Variants in CREB5 observed in about 807,000 individuals in gnomAD.
CREB5 encodes the protein cAMP responsive element binding protein 5, also known as cyclic AMP-responsive element-binding protein 5.
A neutral mutation model predicts 57.1 loss-of-function variants in CREB5; 19 were observed. The observed-to-expected ratio is 0.33, with a 90% CI of 0.23 to 0.49. The LOEUF is 0.49. Ranked by LOEUF, CREB5 falls within the 20% of genes least tolerant of loss-of-function variation. CREB5 has a pLI of 0.99. For synonymous variants in CREB5, 238 were observed against 238.3 expected, an observed-to-expected ratio of 1.00 and a Z score of 0.01; for missense variants, 579 against 671.6, an observed-to-expected ratio of 0.86 and a Z score of 1.52.
At chr7:28,802,348 G>T (rs1185298226) in intron 7 of CREB5, among the ~76,000 whole-genome samples, 2 of 151,902 alleles carry the variant, frequency 1.3e-5, no homozygotes, top group South Asian at 4.1e-4. Context: ...GCAGGTAGAG[G>T]CTCTTTATGT....
chr7:28,457,690 C>A (rs951780941), intron 1 of CREB5, among the ~76,000 whole-genome samples: 3 of 152,058 alleles, frequency 2.0e-5, no homozygotes, highest in African/African-American at 7.2e-5. Flanking sequence ...ACAAAGAGAC[C>A]ATTTCCATCT....
At chr7:28,319,662 C>G (rs1239915731) in intron 1 of CREB5, among the ~76,000 whole-genome samples, 1 of 152,042 alleles carries the variant, frequency 6.6e-6, no homozygotes, top group Non-Finnish European at 1.5e-5. Flanking sequence ...CAAGAGTGCC[C>G]CACCATTTCC....
chr7:28,487,857 G>A (rs572468686), intron 1 of CREB5, among the ~76,000 whole-genome samples: 4 of 152,266 alleles, frequency 2.6e-5, no homozygotes, highest in African/African-American at 9.6e-5. Flanking sequence ...GCATAGGTGT[G>A]GTCTTTCCTG....
intron 5 of CREB5, among the ~76,000 whole-genome samples, chr7:28,587,454 T>A (rs1225220989): frequency 4.7e-5 from 7 of 148,814 alleles, no homozygotes; most frequent in Non-Finnish European, 8.8e-5. Flanking sequence ...CATGTGTTAA[T>A]GAGCACTGAA....
chr7:28,378,457 A>C (rs889841428), intron 1 of CREB5, among the ~76,000 whole-genome samples: 3 of 152,144 alleles, frequency 2.0e-5, no homozygotes, highest in African/African-American at 7.2e-5. Flanking sequence ...AACTCTTTTT[A>C]ATTTTAGTCT....
chr7:28,569,824 C>T (rs1208825369), intron 4 of CREB5, among the ~76,000 whole-genome samples: 1 of 152,184 alleles, frequency 6.6e-6, no homozygotes, highest in East Asian at 1.9e-4. Flanking sequence ...GTATTCCAAT[C>T]ACGCATCCTC....
chr7:28,594,521 C>T (rs899130697), intron 5 of CREB5, among the ~76,000 whole-genome samples: 2 of 152,064 alleles, frequency 1.3e-5, no homozygotes, highest in Non-Finnish European at 2.9e-5. Flanking sequence ...AGTTTTAAGC[C>T]CTCCTGATTC....
chr7:28,713,411 T>C (rs1329837320), intron 5 of CREB5, among the ~76,000 whole-genome samples: 1 of 152,242 alleles, frequency 6.6e-6, no homozygotes, highest in Non-Finnish European at 1.5e-5. Context: ...TGTATTTAAA[T>C]GAGAAAGAAG....
chr7:28,496,412 G>A lies in CREB5; in HGVS notation c.169+1413G>A, dbSNP rs182239805. ...TTTACTAATTTTATTTTAAGTTCTG[G>A]GAAACATGTGCAGGCTATCACTGTT... On this transcript the variant is annotated intron_variant, in intron 3 of 10. Coordinates refer to ENST00000357727, the MANE Select transcript of CREB5 (RefSeq NM_182898.4). Among the ~76,000 whole-genome samples, 771 of 152,088 alleles carry A rather than the reference G, an allele frequency of 5.1e-3. 3 individuals carry two copies. Among genetic ancestry groups the A allele is most frequent in the Middle Eastern group, 0.024 (7 of 294 alleles).
At chr7:28,453,858 C>T (rs987483729) in intron 1 of CREB5, among the ~76,000 whole-genome samples, 1 of 152,082 alleles carries the variant, frequency 6.6e-6, no homozygotes, top group African/African-American at 2.4e-5. Flanking sequence ...ATGCTGCCCT[C>T]TTTACTTTGT....
At chr7:28,613,475 A>G (rs961143715) in intron 5 of CREB5, among the ~76,000 whole-genome samples, 8 of 152,204 alleles carry the variant, frequency 5.3e-5, no homozygotes, top group African/African-American at 1.9e-4. Context: ...GTGTCAAATC[A>G]TCAAGTGATT....
chr7:28,420,005 A>T (rs1788178556), intron 1 of CREB5, among the ~76,000 whole-genome samples: 1 of 152,234 alleles, frequency 6.6e-6, no homozygotes, highest in Admixed American at 6.5e-5. Flanking sequence ...TTTGCTAAAC[A>T]CCAATGCTGA....
chr7:28,445,703 C>T (rs973309823), intron 1 of CREB5, among the ~76,000 whole-genome samples: 13 of 152,182 alleles, frequency 8.5e-5, no homozygotes, highest in Admixed American at 2.0e-4. Context: ...AGGCGCCCGC[C>T]ACCACGCCTG....
intron 1 of CREB5, among the ~76,000 whole-genome samples, chr7:28,471,571 C>T (rs1438173137): frequency 1.3e-5 from 2 of 152,212 alleles, no homozygotes; most frequent in Non-Finnish European, 2.9e-5. Context: ...TGGGCATTCA[C>T]TACATGCTGC....
chr7:28,400,979 A>G (rs182817184), intron 1 of CREB5, among the ~76,000 whole-genome samples: 3 of 152,356 alleles, frequency 2.0e-5, no homozygotes, highest in Admixed American at 2.0e-4. Context: ...TTGTTAAACC[A>G]TTACTTTCCA....
intron 1 of CREB5, among the ~76,000 whole-genome samples, chr7:28,331,763 T>C (rs1221171325): frequency 6.7e-6 from 1 of 149,254 alleles, no homozygotes; most frequent in Non-Finnish European, 1.5e-5. Context: ...GCAGGAGAAG[T>C]GCTTGAACCC....
At chr7:28,680,263 A>G (rs897578413) in intron 5 of CREB5, among the ~76,000 whole-genome samples, 1 of 152,100 alleles carries the variant, frequency 6.6e-6, no homozygotes, top group Non-Finnish European at 1.5e-5. Context: ...AAGGTTCCCC[A>G]CAGAGCCTCC....
Position 28,578,318 on chromosome 7 carries a change from C to T in CREB5, c.464+7781C>T, listed in dbSNP as rs563350117. 2.6e-5 allele frequency among the ~76,000 whole-genome samples: 4 copies of T among 152,130 alleles called. No individual in the cohort carries two copies. The South Asian group carries it at 8.3e-4, about 32-fold the overall frequency. The stretch of plus-strand genomic sequence containing the variant: ...CAAATCCAGAAGCAAGAATGAAAAC[C>T]TAGCAGGTTCACATGGCTTGTGGTG... On this transcript the variant is annotated intron_variant, in intron 5 of 10. Coordinates refer to ENST00000357727, the MANE Select transcript of CREB5 (RefSeq NM_182898.4).
intron 7 of CREB5, among the ~76,000 whole-genome samples, chr7:28,732,475 G>A (rs1465013566): frequency 6.6e-6 from 1 of 152,078 alleles, no homozygotes; most frequent in Non-Finnish European, 1.5e-5. Flanking sequence ...TTGTGTATTT[G>A]TGGACGTGTG....
Sources: allele counts gnomAD v4.1 joint callset (sites outside exome capture counted in the v4.1 genomes callset), GRCh38; gene constraint gnomAD v4.1.1; transcripts MANE v1.5; gene names NCBI Gene and HGNC (gene_info 2026-07-23, HGNC 2026-07-21).